The following GRID2IP variants were observed in gnomAD, a reference collection of about 807,000 sequenced individuals.
GRID2IP encodes Grid2 interacting protein.
Under a neutral mutation model 114.3 loss-of-function variants are expected in GRID2IP, and 78 were observed. The observed-to-expected ratio is 0.68, with a 90% CI of 0.57 to 0.82. The LOEUF (loss-of-function observed/expected upper bound fraction) is 0.82. Ranked by LOEUF, GRID2IP falls within the 40% of genes least tolerant of loss-of-function variation. The pLI is 0.00. For missense variants in GRID2IP, 1,727 were observed against 1,678.5 expected, an observed-to-expected ratio of 1.03 and a Z score of -0.51; for synonymous variants, 809 against 724.0, an observed-to-expected ratio of 1.12 and a Z score of -1.89.
chr7:6,502,514 C>G (rs1274761003), intron 18 of GRID2IP, among the ~76,000 whole-genome samples: 1 of 152,180 alleles, frequency 6.6e-6, no homozygotes, highest in African/African-American at 2.4e-5. Flanking sequence ...CACACCCAGC[C>G]CAATCCCCAG....
rs1316660603 is a variant in GRID2IP at position 6,526,382 on chromosome 7, T to C, written c.834-73A>G. On this transcript the variant is annotated intron_variant, in intron 3 of 21. Coordinates refer to ENST00000457091, the MANE Select transcript of GRID2IP (RefSeq NM_001145118.2). This position sits in a 1 kb window ranked among gnomAD's most constrained non-coding sequence, Gnocchi z 7.6. ...GGGCGCAGAGGTTGGAGATGTCCCG[T>C]GTCCCTCTCCCCTTAACCTCTCCGG... 6 of 1,500,220 alleles carry C rather than the reference T, an allele frequency of 4.0e-6. No homozygotes were observed. In the African/African-American group the frequency reaches 5.5e-5, roughly 14 times the overall value. The allele number at this position is 1,500,220 out of a possible 1,614,324, so 92.9% of individuals were successfully genotyped here.
rs760353118 is a variant in GRID2IP, at chr7:6,551,398, C to G, written c.39G>C (p.Trp13Cys). 2 of 1,547,546 alleles carry G rather than the reference C, an allele frequency of 1.3e-6. No homozygotes were observed. Among genetic ancestry groups the G allele is most frequent in the Non-Finnish European group, 1.7e-6 (2 of 1,145,632 alleles). ...CTAGCCGGAAGCCAAAGTCCTCTGG[C>G]CAGCCCTGGTTCGTGGCCGGCGTGG... is the stretch of plus-strand genomic sequence containing the variant. ...TTATPATNQG[W>C]PEDFGFRLGG... The change falls in exon 1 of 22, where the codon TGG becomes TGC. Residue 13 changes from tryptophan to cysteine, a missense_variant. By Grantham distance (215) the Trp-to-Cys change is radical. Coordinates refer to ENST00000457091, the MANE Select transcript of GRID2IP (RefSeq NM_001145118.2).
intron 1 of GRID2IP, among the ~76,000 whole-genome samples, chr7:6,541,121 G>C (rs1446332047): frequency 6.6e-6 from 1 of 151,908 alleles, no homozygotes; most frequent in Non-Finnish European, 1.5e-5. Context: ...TTGGGTTCAA[G>C]TGATCCTTCC....
Position 6,497,730 on chromosome 7 carries a change from T to TC in GRID2IP, c.*43dup. On this transcript the variant is annotated 3_prime_UTR_variant, in exon 22 of 22. Coordinates refer to ENST00000457091, the MANE Select transcript of GRID2IP (RefSeq NM_001145118.2). ...CAGTGTCTGGGCTGCCCTCTCGGCC[T>TC]CCATCTCCCTGCTCAGGCCGCAGAG... is the stretch of plus-strand genomic sequence containing the variant. The TC allele has an allele frequency of 6.8e-7, 1 of 1,461,000 alleles. No homozygotes were observed. The highest frequency in any genetic ancestry group is 9.3e-7 in the Non-Finnish European group (1 of 1,072,002). The allele number at this position is 1,461,000 out of a possible 1,614,324, so 90.5% of individuals were successfully genotyped here.
At position 6,520,987 on chromosome 7, in the gene GRID2IP, T is replaced by C. The variant is rs1308254575; in HGVS notation, c.1085-226A>G. Among the ~76,000 whole-genome samples, 2 of 152,100 alleles carry C rather than the reference T, an allele frequency of 1.3e-5. No individual in the cohort carries two copies. Among genetic ancestry groups the C allele is most frequent in the Admixed American group, 6.5e-5 (1 of 15,274 alleles). The stretch of plus-strand genomic sequence containing the variant: ...CACTAGGGTTTTTTGTTTGTTTGTT[T>C]TGAGACAGAGTCTTGCTCTGTTGCC... On this transcript the variant is annotated intron_variant, in intron 6 of 21. Coordinates refer to ENST00000457091, the MANE Select transcript of GRID2IP (RefSeq NM_001145118.2). The surrounding 1 kb of genome is among the most constrained non-coding windows in gnomAD (Gnocchi z 4.6).
intron 1 of GRID2IP, among the ~76,000 whole-genome samples, chr7:6,542,329 A>G (rs1346467610): frequency 6.6e-6 from 1 of 150,792 alleles, no homozygotes; most frequent in Non-Finnish European, 1.5e-5. Context: ...AAAAAAAAGA[A>G]AAAAGAAAAT....
At chr7:6,525,998 C>T (rs971245867) in intron 4 of GRID2IP, among the ~76,000 whole-genome samples, 3 of 152,162 alleles carry the variant, frequency 2.0e-5, no homozygotes, top group Non-Finnish European at 4.4e-5. Context: ...GGTGCCCCAA[C>T]TCAGGCAGAA....
At chr7:6,530,638 G>A (rs1008325046) in intron 2 of GRID2IP, among the ~76,000 whole-genome samples, 2 of 152,000 alleles carry the variant, frequency 1.3e-5, no homozygotes, top group Non-Finnish European at 2.9e-5. Flanking sequence ...AAGGGGACAA[G>A]GGTTCCCTGG....
At chr7:6,510,731 G>A (rs774998442) in intron 9 of GRID2IP, 25 bp from the exon 10 acceptor site, 93 of 1,537,292 alleles carry the variant, frequency 6.0e-5, no homozygotes, top group East Asian at 1.7e-4. Flanking sequence ...TGTCATTACC[G>A]TATCTGAGCT....
Position 6,507,919 on chromosome 7 carries a change from C to T in GRID2IP, c.2544+66G>A. 6 of 1,532,412 alleles carry T rather than the reference C, an allele frequency of 3.9e-6. No homozygotes were observed. The highest frequency in any genetic ancestry group is 5.3e-6 in the Non-Finnish European group (6 of 1,138,768). 94.9% of individuals were successfully genotyped at this position (1,532,412 alleles called of 1,614,324 possible). A position where few individuals can be genotyped will look rare whatever the true frequency, so the allele number is the denominator to read the frequency against. On this transcript the variant is annotated intron_variant, in intron 13 of 21. Coordinates refer to ENST00000457091, the MANE Select transcript of GRID2IP (RefSeq NM_001145118.2). This position sits in a 1 kb window ranked among gnomAD's most constrained non-coding sequence, Gnocchi z 5.3. ...GAAGATGCCTGGCCGATGGGTTTTCCTTCAGTGCTGCTGCCCAAGCCATCC... is the reference window on the plus strand; with the variant it reads ...GAAGATGCCTGGCCGATGGGTTTTCTTTCAGTGCTGCTGCCCAAGCCATCC...
Position 6,516,118 on chromosome 7 carries a change from AAAT to A in GRID2IP, c.1269-1592_1269-1590del, listed in dbSNP as rs747840383. Among the ~76,000 whole-genome samples, 49,290 of 147,164 alleles carry A rather than the reference AAAT, an allele frequency of 0.33. 8,272 individuals carry two copies. Among genetic ancestry groups the A allele is most frequent in the East Asian group, 0.4 (2,025 of 5,112 alleles). On this transcript the variant is annotated intron_variant, in intron 7 of 21. Transcript: ENST00000457091. This position sits in a 1 kb window ranked among gnomAD's most constrained non-coding sequence, Gnocchi z 4.3. ...TCTCAAAATAATAATAATAAAAAAT[AAAT>A]AAATAAATAAATAAAAATAAAGTAG...
chr7:6,541,268 AC>A (rs1779812407), intron 1 of GRID2IP, among the ~76,000 whole-genome samples: 1 of 152,158 alleles, frequency 6.6e-6, no homozygotes. Context: ...CAGGATTCAA[AC>A]CCAAAGAGAG....
In GRID2IP at chr7:6,536,879, G is replaced by A. The variant is rs1583351685; in HGVS notation, c.584+2839C>T. The A allele has an allele frequency of 1.5e-6, 1 of 648,458 alleles. No homozygotes were observed. Among genetic ancestry groups the A allele is most frequent in the African/African-American group, 1.9e-5 (1 of 53,122 alleles). 40.2% of individuals were successfully genotyped at this position (648,458 alleles called of 1,614,324 possible). On this transcript the variant is annotated intron_variant, in intron 2 of 21. Transcript: ENST00000457091. The surrounding 1 kb of genome is among the most constrained non-coding windows in gnomAD (Gnocchi z 5.3). ...TTTCGGTGGTGGTCGCCTATGCTCCGCTGCAGAGCCGAGAGCTGCGCCGGG... is the reference window on the plus strand; with the variant it reads ...TTTCGGTGGTGGTCGCCTATGCTCCACTGCAGAGCCGAGAGCTGCGCCGGG...
chr7:6,539,589 G>T, intron 2 of GRID2IP, 129 bp downstream of exon 2: 1 of 885,230 alleles, frequency 1.1e-6, no homozygotes, highest in Non-Finnish European at 1.7e-6. Flanking sequence ...TTGCGATGCT[G>T]TTCAAGAGCA....
chr7:6,512,578 T>C (rs1270863279), intron 8 of GRID2IP, among the ~76,000 whole-genome samples: 1 of 151,756 alleles, frequency 6.6e-6, no homozygotes, highest in Non-Finnish European at 1.5e-5. Flanking sequence ...TGGTGCGATC[T>C]CAGCTCACTG....
In GRID2IP at chr7:6,497,472, G is replaced by GC; in HGVS notation, c.*301dup. On this transcript the variant is annotated 3_prime_UTR_variant, in exon 22 of 22. Coordinates refer to ENST00000457091, the MANE Select transcript of GRID2IP (RefSeq NM_001145118.2). ...GGCCACTTTGTAATCCACCCTCCAG[G>GC]CCCCCCTGACAGCCTGGGAGCGAAG... The GC allele has an allele frequency of 6.5e-6, 2 of 308,564 alleles. No homozygotes were observed. The highest frequency in any genetic ancestry group is 5.7e-5 in the East Asian group (1 of 17,540). The allele number at this position is 308,564 out of a possible 1,614,324, so 19.1% of individuals were successfully genotyped here.
chr7:6,529,284 C>T (rs1241556338), intron 2 of GRID2IP, among the ~76,000 whole-genome samples: 1 of 152,172 alleles, frequency 6.6e-6, no homozygotes, highest in Non-Finnish European at 1.5e-5. Context: ...AACCCCATCT[C>T]TACTAAAAAT....
At chr7:6,527,531 G>C (rs1779538415) in intron 2 of GRID2IP, among the ~76,000 whole-genome samples, 1 of 152,210 alleles carries the variant, frequency 6.6e-6, no homozygotes, top group Admixed American at 6.5e-5. Context: ...GGAAGTGAGA[G>C]GCAGGGGGAA....
intron 1 of GRID2IP, among the ~76,000 whole-genome samples, chr7:6,542,969 C>T (rs755476927): frequency 3.3e-5 from 5 of 152,102 alleles, no homozygotes; most frequent in African/African-American, 9.7e-5. Context: ...CTCCCTCTCT[C>T]GAGGACTTGT....
Sources: gnomAD v4.1 joint callset for allele counts (sites outside exome capture counted in the v4.1 genomes callset) on GRCh38, gnomAD v4.1.1 for gene constraint, Gnocchi (gnomAD v3.1) non-coding constraint, MANE v1.5 for transcripts, NCBI Gene and HGNC (gene_info 2026-07-23, HGNC 2026-07-21) for gene names.